ANK2: variants seen among roughly 807,000 people sequenced by gnomAD.
The protein encoded by ANK2 is ankyrin-2.
In ANK2, 83 loss-of-function variants were observed where a neutral mutation model predicts 360.5. That is an observed-to-expected ratio of 0.23 (90% CI 0.19 to 0.28). ANK2 has a LOEUF of 0.28. Ranked by LOEUF, ANK2 falls within the 10% of genes least tolerant of loss-of-function variation. The probability of loss-of-function intolerance (pLI) is 1.00; values close to 1 mark genes in which losing one functional copy is unlikely to be tolerated. For missense variants in ANK2, 4,201 were observed against 4,795.7 expected (o/e 0.88, Z 3.66); for synonymous variants, 1,740 against 1,759.5 (o/e 0.99, Z 0.28).
intron 1 of ANK2, among the ~76,000 whole-genome samples, chr4:113,081,226 A>G (rs2082290356): frequency 6.6e-6 from 1 of 152,196 alleles, no homozygotes; most frequent in Non-Finnish European, 1.5e-5. Flanking sequence ...ACCACTTACC[A>G]CCTTACATTT....
At chr4:113,323,659 TA>T in intron 26 of ANK2, 1 of 1,108,034 alleles carries the variant, frequency 9.0e-7, no homozygotes, top group Non-Finnish European at 1.3e-6. Context: ...TTTCAATGAA[TA>T]AGGTATTGGT....
intron 10 of ANK2, among the ~76,000 whole-genome samples, chr4:113,253,338 C>T (rs551171627): frequency 2.0e-5 from 3 of 152,248 alleles, no homozygotes; most frequent in African/African-American, 4.8e-5. Flanking sequence ...TTTTCTCTAT[C>T]GGCACTCACT....
At chr4:112,750,316 G>A in the ANK2 span, among the ~76,000 whole-genome samples, 8 of 152,028 alleles carry the variant, frequency 5.3e-5, no homozygotes, top group South Asian at 1.0e-3. Flanking sequence ...AGCCAAGATC[G>A]CCCCGCTGCA....
the ANK2 span, among the ~76,000 whole-genome samples, chr4:112,794,609 T>C: frequency 6.6e-6 from 1 of 152,224 alleles, no homozygotes; most frequent in Non-Finnish European, 1.5e-5. Context: ...CTTTCATCTA[T>C]ATGAGTTTGT....
intron 24 of ANK2, among the ~76,000 whole-genome samples, chr4:113,314,026 A>C (rs2081494364): frequency 6.6e-6 from 1 of 152,170 alleles, no homozygotes; most frequent in Non-Finnish European, 1.5e-5. Flanking sequence ...AACAACCCCA[A>C]TTAGCCTATG....
the ANK2 span, among the ~76,000 whole-genome samples, chr4:112,794,346 C>T: frequency 3.3e-5 from 5 of 152,052 alleles, no homozygotes; most frequent in African/African-American, 1.2e-4. Flanking sequence ...AGTCTTCTTG[C>T]TTGGAAGAAG....
intron 45 of ANK2, among the ~76,000 whole-genome samples, chr4:113,378,832 T>C (rs1348246741): frequency 6.6e-6 from 1 of 151,964 alleles, no homozygotes; most frequent in Non-Finnish European, 1.5e-5. Flanking sequence ...ATGTATAAAC[T>C]TGGGCACTGT....
the ANK2 span, among the ~76,000 whole-genome samples, chr4:112,717,596 A>C: frequency 6.6e-6 from 1 of 152,170 alleles, no homozygotes; most frequent in African/African-American, 2.4e-5. Context: ...AGGACTAATC[A>C]CTTCATAATG....
intron 42 of ANK2, among the ~76,000 whole-genome samples, chr4:113,368,452 G>A (rs917096788): frequency 2.6e-5 from 4 of 152,210 alleles, no homozygotes. Context: ...AATAGAGTTG[G>A]GGTGGGAGTA....
intron 10 of ANK2, among the ~76,000 whole-genome samples, chr4:113,252,170 AC>A (rs530275395): frequency 1.2e-3 from 187 of 152,224 alleles, no homozygotes; most frequent in South Asian, 2.3e-3. Flanking sequence ...GAAAATGAAA[AC>A]CCAGTGAAAG....
At chr4:113,223,475 A>G (rs1228300152) in intron 4 of ANK2, among the ~76,000 whole-genome samples, 1 of 152,210 alleles carries the variant, frequency 6.6e-6, no homozygotes, top group African/African-American at 2.4e-5. Context: ...TATAGAGTAT[A>G]TAATACTCTC....
intron 1 of ANK2, among the ~76,000 whole-genome samples, chr4:112,840,763 C>T (rs995681047): frequency 2.1e-4 from 32 of 152,176 alleles, no homozygotes; most frequent in African/African-American, 7.5e-4. Context: ...CTAGTAGCAT[C>T]ATCCTCATTT....
At chr4:112,779,105 T>C in the ANK2 span, among the ~76,000 whole-genome samples, 999 of 152,322 alleles carry the variant, frequency 6.6e-3, 6 homozygotes, top group African/African-American at 0.022. Flanking sequence ...TATTTGTTAG[T>C]GCTGTTTTCT....
At chr4:113,317,477 A>G (rs2083506340) in intron 24 of ANK2, 1 of 556,114 alleles carries the variant, frequency 1.8e-6, no homozygotes, top group Non-Finnish European at 3.3e-6. Flanking sequence ...TCAAATTTTA[A>G]CTTCTGGATT....
chr4:113,028,893 C>T (rs1022920325), intron 2 of ANK2, among the ~76,000 whole-genome samples: 2 of 152,096 alleles, frequency 1.3e-5, no homozygotes, highest in African/African-American at 4.8e-5. Flanking sequence ...GTATGTGAAC[C>T]CAATATACCC....
At chr4:112,905,131 G>A (rs376130955) in intron 2 of ANK2, among the ~76,000 whole-genome samples, 6 of 152,062 alleles carry the variant, frequency 3.9e-5, no homozygotes, top group East Asian at 1.9e-4. Context: ...TTTTTAAGTC[G>A]TGAATCTCAT....
intron 1 of ANK2, among the ~76,000 whole-genome samples, chr4:112,821,563 G>A (rs951231783): frequency 6.6e-6 from 1 of 150,474 alleles, no homozygotes; most frequent in Non-Finnish European, 1.5e-5. Flanking sequence ...GAGTGCAGTG[G>A]TGTGATCACA....
chr4:113,240,997 A>C (rs903542957), intron 8 of ANK2, among the ~76,000 whole-genome samples: 1 of 152,174 alleles, frequency 6.6e-6, no homozygotes, highest in Non-Finnish European at 1.5e-5. Flanking sequence ...ATGAATTGAG[A>C]ATTTGTTCAC....
chr4:112,745,679 A>AC, the ANK2 span, among the ~76,000 whole-genome samples: 1 of 151,826 alleles, frequency 6.6e-6, no homozygotes, highest in African/African-American at 2.4e-5. Flanking sequence ...GACTATAGGC[A>AC]CCCACCACCA....
Sources: gnomAD v4.1 joint callset for allele counts (sites outside exome capture counted in the v4.1 genomes callset) on GRCh38, gnomAD v4.1.1 for gene constraint, MANE v1.5 for transcripts, NCBI Gene and HGNC (gene_info 2026-07-23, HGNC 2026-07-21) for gene names.